Variants in SCAI observed in about 807,000 individuals in gnomAD.
SCAI encodes suppressor of cancer cell invasion.
In SCAI, 24 loss-of-function variants were observed where a neutral mutation model predicts 92.2. That is an observed-to-expected ratio of 0.26 (90% CI 0.19 to 0.37). SCAI has a LOEUF of 0.37. Ranked by LOEUF, SCAI falls within the 10% of genes least tolerant of loss-of-function variation. The probability of loss-of-function intolerance (pLI) is 1.00; values close to 1 mark genes in which losing one functional copy is unlikely to be tolerated. For synonymous variants in SCAI, 261 were observed against 258.6 expected, an observed-to-expected ratio of 1.01 and a Z score of -0.09; for missense variants, 450 against 736.2, an observed-to-expected ratio of 0.61 and a Z score of 4.50.
chr9:125,091,074 G>A lies in SCAI; in HGVS notation c.99-35067C>T, dbSNP rs550068082. On this transcript the variant is annotated intron_variant, in intron 2 of 17. Transcript: ENST00000336505. The surrounding 1 kb of genome is among the most constrained non-coding windows in gnomAD (Gnocchi z 4.3). ...GGAGCTTGCAGTGAGCTGAGATCGC[G>A]CCACTGCACTCCAGCCTGGGTGACA... 2.2e-4 allele frequency among the ~76,000 whole-genome samples: 34 copies of A among 152,242 alleles called. No homozygotes were observed. Among genetic ancestry groups the A allele is most frequent in the Non-Finnish European group, 2.8e-4 (19 of 68,006 alleles).
At chr9:125,015,163 A>G (rs1167842086) in intron 9 of SCAI, among the ~76,000 whole-genome samples, 13 of 152,218 alleles carry the variant, frequency 8.5e-5, no homozygotes, top group Non-Finnish European at 1.6e-4. Flanking sequence ...AATGGGAACA[A>G]AAGACAAAAT....
At chr9:124,972,892 C>A (rs1468386321) in intron 15 of SCAI, among the ~76,000 whole-genome samples, 1 of 152,134 alleles carries the variant, frequency 6.6e-6, no homozygotes, top group Non-Finnish European at 1.5e-5. Context: ...TCATCCATGC[C>A]CCTCCCAAGT....
At chr9:125,142,699 C>T (rs1312071856) in intron 1 of SCAI, 22 bp from the exon 2 acceptor site, 1 of 1,609,724 alleles carries the variant, frequency 6.2e-7, no homozygotes, top group East Asian at 2.2e-5. Context: ...ACAAATAAGA[C>T]GGTAACTAAA....
At chr9:125,094,329 C>T (rs1193596506) in intron 2 of SCAI, among the ~76,000 whole-genome samples, 1 of 152,206 alleles carries the variant, frequency 6.6e-6, no homozygotes, top group Non-Finnish European at 1.5e-5. Context: ...TTCATGTACA[C>T]ACCAATACTC....
intron 7 of SCAI, among the ~76,000 whole-genome samples, chr9:125,019,629 A>T (rs957695394): frequency 5.9e-5 from 9 of 152,118 alleles, no homozygotes; most frequent in Non-Finnish European, 4.4e-5. Flanking sequence ...GTGAGACCCT[A>T]CCACTACAAA....
chr9:124,946,327 G>A lies in SCAI; in HGVS notation c.*6480C>T, dbSNP rs1252807755. 1.3e-5 allele frequency: 2 copies of A among 152,124 alleles called. No homozygotes were observed. Among genetic ancestry groups the A allele is most frequent in the African/African-American group, 4.8e-5 (2 of 41,420 alleles). 9.4% of individuals were successfully genotyped at this position (152,124 alleles called of 1,614,324 possible). A position where few individuals can be genotyped will look rare whatever the true frequency, so the allele number is the denominator to read the frequency against. The stretch of plus-strand genomic sequence containing the variant: ...CTGAATTTAATACTATAATTGAAAA[G>A]TCTTATGAATAGTTGGCTGTTTTAT... On this transcript the variant is annotated 3_prime_UTR_variant, in exon 18 of 18. Transcript: ENST00000336505. The surrounding 1 kb of genome is among the most constrained non-coding windows in gnomAD (Gnocchi z 4.0).
At chr9:125,004,755 ATATATATATATATATATATATATATTTT>A (rs1218351421) in intron 9 of SCAI, among the ~76,000 whole-genome samples, 2 of 8,546 alleles carry the variant, frequency 2.3e-4, no homozygotes, top group Admixed American at 8.7e-4. Context: ...ATATATATAT[ATATATATATATATATATATATATATTTT>A]TTTTTTTTTT....
At chr9:125,040,689 C>T (rs1833301818) in intron 3 of SCAI, among the ~76,000 whole-genome samples, 1 of 152,146 alleles carries the variant, frequency 6.6e-6, no homozygotes, top group East Asian at 1.9e-4. Context: ...TGCAGTGGCA[C>T]GATCTTGGCT....
intron 2 of SCAI, among the ~76,000 whole-genome samples, chr9:125,109,493 G>T (rs1285800882): frequency 6.6e-6 from 1 of 151,990 alleles, no homozygotes; most frequent in Non-Finnish European, 1.5e-5. Flanking sequence ...ATAATTTAAA[G>T]AACTATACTT....
intron 17 of SCAI, among the ~76,000 whole-genome samples, chr9:124,969,601 C>T (rs2131586410): frequency 6.6e-6 from 1 of 152,360 alleles, no homozygotes; most frequent in East Asian, 1.9e-4. Context: ...ACTTTACATT[C>T]AGCAGATTCA....
chr9:124,975,503 T>C (rs1205673399), intron 15 of SCAI: 1 of 275,502 alleles, frequency 3.6e-6, no homozygotes, highest in Non-Finnish European at 7.5e-6. Flanking sequence ...ATTTTATGTG[T>C]CACTAATTAA....
intron 14 of SCAI, among the ~76,000 whole-genome samples, chr9:124,990,451 T>C (rs932680853): frequency 8.5e-5 from 13 of 152,094 alleles, no homozygotes; most frequent in Admixed American, 8.5e-4. Context: ...ATCGCACCAT[T>C]GCACTCTAGC....
At chr9:124,994,406 C>CA (rs752928373) in intron 14 of SCAI, among the ~76,000 whole-genome samples, 8 of 152,140 alleles carry the variant, frequency 5.3e-5, no homozygotes, top group Non-Finnish European at 1.2e-4. Flanking sequence ...GAAGGATGTT[C>CA]AAGTTAGATC....
At chr9:125,098,400 T>C (rs186674157) in intron 2 of SCAI, among the ~76,000 whole-genome samples, 17 of 152,270 alleles carry the variant, frequency 1.1e-4, no homozygotes, top group Admixed American at 3.9e-4. Flanking sequence ...TTATCTCTTA[T>C]TGGATGGTAA....
At chr9:125,047,604 AC>A (rs1260352319) in intron 3 of SCAI, among the ~76,000 whole-genome samples, 3 of 152,158 alleles carry the variant, frequency 2.0e-5, no homozygotes, top group Non-Finnish European at 4.4e-5. Flanking sequence ...GAAGAAGACA[AC>A]CCCAAAATAG....
At chr9:125,050,316 T>C (rs1219609208) in intron 3 of SCAI, among the ~76,000 whole-genome samples, 1 of 152,146 alleles carries the variant, frequency 6.6e-6, no homozygotes, top group Non-Finnish European at 1.5e-5. Context: ...AAAAACCTTA[T>C]AATTATTCCA....
Position 125,126,390 on chromosome 9 carries a change from GGGGTGT to G in SCAI, c.98+16237_98+16242del, listed in dbSNP as rs1219989633. Among the ~76,000 whole-genome samples, 123 of 129,890 alleles carry G rather than the reference GGGGTGT, an allele frequency of 9.5e-4. 2 individuals carry two copies. Among genetic ancestry groups the G allele is most frequent in the South Asian group, 1.9e-3 (8 of 4,138 alleles). 85.2% of individuals were successfully genotyped at this position (129,890 alleles called of 152,430 possible). A position where few individuals can be genotyped will look rare whatever the true frequency, so the allele number is the denominator to read the frequency against. ...AGTTAGCCTCCCCCAAAGTGAGTTG[GGGGTGT>G]GTGTGTGTGTGTGTGTGTGTGTGTG... On this transcript the variant is annotated intron_variant, in intron 2 of 17. Coordinates refer to ENST00000336505, the MANE Select transcript of SCAI (RefSeq NM_001144877.3).
At chr9:125,019,404 CAAAT>C (rs1232048628) in intron 7 of SCAI, among the ~76,000 whole-genome samples, 199 bp from the exon 8 acceptor site, 19 of 152,032 alleles carry the variant, frequency 1.2e-4, no homozygotes, top group Non-Finnish European at 7.4e-5. Context: ...TAACACCCAT[CAAAT>C]AAAGTCTTTA....
At chr9:125,124,285 A>G (rs549106150) in intron 2 of SCAI, among the ~76,000 whole-genome samples, 1 of 152,320 alleles carries the variant, frequency 6.6e-6, no homozygotes, top group East Asian at 1.9e-4. Context: ...AGACAGAGAC[A>G]GAGGTATATA....
Sources: gnomAD v4.1 joint callset for allele counts (sites outside exome capture counted in the v4.1 genomes callset) on GRCh38, gnomAD v4.1.1 for gene constraint, Gnocchi (gnomAD v3.1) non-coding constraint, MANE v1.5 for transcripts, NCBI Gene and HGNC (gene_info 2026-07-23, HGNC 2026-07-21) for gene names.